Variants in GULP1 observed in about 807,000 individuals in gnomAD.
The protein encoded by GULP1 is GULP PTB domain containing engulfment adaptor 1, also known as PTB domain-containing engulfment adapter protein 1.
GULP1 carries 19 observed loss-of-function variants against 40.9 expected under a neutral mutation model. The observed-to-expected ratio is 0.46, with a 90% CI of 0.32 to 0.68. The LOEUF (loss-of-function observed/expected upper bound fraction) is 0.68, where lower values mean the gene tolerates loss of function less well. GULP1 is among the 30% of genes least tolerant of loss of function. GULP1 has a pLI of 0.03. For missense variants in GULP1, 312 were observed against 362.2 expected (o/e 0.86, Z 1.12); for synonymous variants, 119 against 117.6 (o/e 1.01, Z -0.08).
chr2:188,580,929 T>C (rs893726700), intron 9 of GULP1, among the ~76,000 whole-genome samples: 1 of 152,212 alleles, frequency 6.6e-6, no homozygotes, highest in Non-Finnish European at 1.5e-5. Context: ...GGCCAGAATC[T>C]TATGTGCGAT....
intron 7 of GULP1, chr2:188,542,122 A>C (rs1427542548): frequency 1.3e-5 from 2 of 151,992 alleles, no homozygotes; most frequent in Non-Finnish European, 2.9e-5. Flanking sequence ...AAAAAAAAAA[A>C]CAACTTAAAA....
Position 188,522,813 on chromosome 2 carries a change from G to A in GULP1, c.148G>A (p.Val50Ile), listed in dbSNP as rs902142227. 6.2e-7 allele frequency: 1 copy of A among 1,606,034 alleles called. No individual in the cohort carries two copies. Among genetic ancestry groups the A allele is most frequent in the African/African-American group, 1.3e-5 (1 of 74,886 alleles). Reference protein sequence around the residue: ...PKGTEVVRDAVRKLKFARHIK... With the variant: ...PKGTEVVRDAIRKLKFARHIK... ...AGGAACAGAAGTTGTGAGAGATGCT[G>A]TAAGGAAACTAAAGGTAGGGAAAGG... is the stretch of plus-strand genomic sequence containing the variant. Residue 50 changes from valine to isoleucine, a missense_variant, in exon 5 of 12, where the codon GTA becomes ATA. By Grantham distance (29) the Val-to-Ile change is conservative. Transcript: ENST00000409830.
intron 2 of GULP1, among the ~76,000 whole-genome samples, chr2:188,469,276 G>C (rs1201101972): frequency 4.6e-5 from 7 of 152,186 alleles, no homozygotes; most frequent in African/African-American, 1.7e-4. Flanking sequence ...GAAGTGTCCT[G>C]CATCTCATCT....
intron 2 of GULP1, among the ~76,000 whole-genome samples, chr2:188,463,391 G>T (rs1361763780): frequency 6.6e-6 from 1 of 152,090 alleles, no homozygotes; most frequent in Non-Finnish European, 1.5e-5. Context: ...AGATGTATTG[G>T]AACTCAATTT....
chr2:188,347,415 G>A (rs1204845646), intron 1 of GULP1, among the ~76,000 whole-genome samples: 2 of 151,986 alleles, frequency 1.3e-5, no homozygotes, highest in African/African-American at 4.8e-5. Flanking sequence ...CTTCTTCTCT[G>A]GGTCTTCTAA....
At chr2:188,585,367 G>T (rs1269320770) in intron 10 of GULP1, among the ~76,000 whole-genome samples, 1 of 152,200 alleles carries the variant, frequency 6.6e-6, no homozygotes, top group Non-Finnish European at 1.5e-5. Context: ...TGCCCCAGTG[G>T]GGACTCTGTG....
chr2:188,407,636 C>T (rs1446679054), intron 2 of GULP1, among the ~76,000 whole-genome samples: 2 of 151,996 alleles, frequency 1.3e-5, no homozygotes, highest in Non-Finnish European at 2.9e-5. Flanking sequence ...AGCAAAACCT[C>T]TAGTAAATGC....
At chr2:188,418,464 T>C (rs2054889606) in intron 2 of GULP1, among the ~76,000 whole-genome samples, 1 of 151,964 alleles carries the variant, frequency 6.6e-6, no homozygotes, top group Non-Finnish European at 1.5e-5. Context: ...AAACCCTGTC[T>C]CTACTAAAAA....
intron 2 of GULP1, among the ~76,000 whole-genome samples, chr2:188,405,267 C>T (rs573138287): frequency 2.6e-4 from 39 of 152,336 alleles, no homozygotes; most frequent in African/African-American, 9.1e-4. Context: ...AGGCTCCAGG[C>T]CTGCACCCAT....
chr2:188,587,016 T>G (rs72898830), intron 10 of GULP1, among the ~76,000 whole-genome samples: 1 of 152,050 alleles, frequency 6.6e-6, no homozygotes, highest in Non-Finnish European at 1.5e-5. Context: ...GGTATGAATA[T>G]GTTATAAATA....
intron 1 of GULP1, among the ~76,000 whole-genome samples, chr2:188,378,721 T>C (rs1031736788): frequency 1.3e-5 from 2 of 152,040 alleles, no homozygotes; most frequent in African/African-American, 4.8e-5. Context: ...GAGCAAGAAC[T>C]CACTCATTAC....
intron 2 of GULP1, chr2:188,384,396 G>C (rs2049392521): frequency 6.6e-6 from 1 of 152,100 alleles, no homozygotes; most frequent in Admixed American, 6.5e-5. Flanking sequence ...GCACAGGAAA[G>C]ACTCGCCCCC....
At chr2:188,422,752 C>A (rs941207709) in intron 2 of GULP1, among the ~76,000 whole-genome samples, 1 of 151,990 alleles carries the variant, frequency 6.6e-6, no homozygotes, top group Non-Finnish European at 1.5e-5. Context: ...TTTTAAACTA[C>A]TATGAAAGTA....
chr2:188,387,064 C>T (rs949308282), intron 2 of GULP1, among the ~76,000 whole-genome samples: 4 of 151,832 alleles, frequency 2.6e-5, no homozygotes, highest in Admixed American at 2.0e-4. Flanking sequence ...GATGAAACCC[C>T]GTCTCTACTA....
At chr2:188,378,563 G>T (rs1405945093) in intron 1 of GULP1, among the ~76,000 whole-genome samples, 2 of 152,146 alleles carry the variant, frequency 1.3e-5, no homozygotes. Context: ...TCTGCTTCTG[G>T]TGAGGACTTT....
At chr2:188,425,427 C>G (rs1407894261) in intron 2 of GULP1, among the ~76,000 whole-genome samples, 1 of 152,058 alleles carries the variant, frequency 6.6e-6, no homozygotes, top group Non-Finnish European at 1.5e-5. Context: ...CACTCTTGCC[C>G]TAGACTGTGA....
At chr2:188,387,986 C>T (rs1233432599) in intron 2 of GULP1, among the ~76,000 whole-genome samples, 1 of 151,726 alleles carries the variant, frequency 6.6e-6, no homozygotes, top group East Asian at 1.9e-4. Flanking sequence ...CCCGTTAACT[C>T]GTCATTTAGC....
chr2:188,331,632 GA>G (rs2041596214), intron 1 of GULP1, among the ~76,000 whole-genome samples: 1 of 152,090 alleles, frequency 6.6e-6, no homozygotes, highest in Non-Finnish European at 1.5e-5. Flanking sequence ...TTGTGGATTG[GA>G]AAATTCTGTT....
intron 2 of GULP1, among the ~76,000 whole-genome samples, chr2:188,449,019 T>C (rs1406616632): frequency 6.6e-6 from 1 of 152,176 alleles, no homozygotes; most frequent in Non-Finnish European, 1.5e-5. Context: ...ACCTATTTTC[T>C]TTATTAAGTA....
Sources: gnomAD v4.1 joint callset for allele counts (sites outside exome capture counted in the v4.1 genomes callset) on GRCh38, gnomAD v4.1.1 for gene constraint, MANE v1.5 for transcripts, NCBI Gene and HGNC (gene_info 2026-07-23, HGNC 2026-07-21) for gene names.